The following SLCO5A1 variants were observed in gnomAD, a reference collection of about 807,000 sequenced individuals.
The protein encoded by SLCO5A1 is solute carrier organic anion transporter family member 5A1.
Under a neutral mutation model 65.1 loss-of-function variants are expected in SLCO5A1, and 39 were observed. The ratio of observed to expected loss-of-function variants is 0.60; its 90% CI spans 0.46 to 0.78. The LOEUF is 0.78. SLCO5A1 is among the 30% of genes least tolerant of loss of function. SLCO5A1 has a pLI of 0.00. For missense variants in SLCO5A1, 1,029 were observed against 1,069.4 expected, an observed-to-expected ratio of 0.96 and a Z score of 0.53; for synonymous variants, 438 against 415.7, an observed-to-expected ratio of 1.05 and a Z score of -0.65.
rs1002487811 is a variant in SLCO5A1, at chr8:69,832,586, G to C, written c.88C>G (p.Pro30Ala). ...TAEAVQERCE[P>A]ETLRSKSLPV... ...AAACTCTTAGACCTGAGGGTCTCCG[G>C]CTCGCACCTCTCTTGGACAGCTTCT... Residue 30 changes from proline (P) to alanine (A), a missense_variant, in exon 2 of 10, where the codon CCG becomes GCG. Pro to Ala is a conservative substitution (Grantham distance 27). Around this residue, in one of 3 missense-constraint regions of SLCO5A1, gnomAD observed 647 missense variants for 647.5 expected, o/e 1.00. Transcript: ENST00000260126. This position sits in a 1 kb window ranked among gnomAD's most constrained non-coding sequence, Gnocchi z 4.5. The C allele has an allele frequency of 1.2e-6, 2 of 1,612,756 alleles. No individual in the cohort carries two copies. The highest frequency in any genetic ancestry group is 1.6e-4 in the Middle Eastern group (1 of 6,084).
rs547606264 is a variant in SLCO5A1 at position 69,672,006 on chromosome 8, T to C, written c.*863A>G. The C allele has an allele frequency of 1.8e-4, 27 of 152,350 alleles. No homozygotes were observed. Among genetic ancestry groups the C allele is most frequent in the African/African-American group, 6.0e-4 (25 of 41,572 alleles). The allele number at this position is 152,350 out of a possible 1,614,324, so 9.4% of individuals were successfully genotyped here. A position where few individuals can be genotyped will look rare whatever the true frequency, so the allele number is the denominator to read the frequency against. On this transcript the variant is annotated 3_prime_UTR_variant, in exon 10 of 10. Transcript: ENST00000260126. ...GCTAAAGAAAATTTCTGCAACAATT[T>C]TCTTGGATGAGAAAGCTGTCATTTT...
intron 2 of SLCO5A1, among the ~76,000 whole-genome samples, chr8:69,792,124 T>C (rs1819295629): frequency 6.6e-6 from 1 of 152,152 alleles, no homozygotes; most frequent in African/African-American, 2.4e-5. Flanking sequence ...TACTATAATT[T>C]AGTTGGAGAG....
chr8:69,754,440 A>T (rs1310236390), intron 4 of SLCO5A1, among the ~76,000 whole-genome samples: 1 of 152,204 alleles, frequency 6.6e-6, no homozygotes, highest in African/African-American at 2.4e-5. Flanking sequence ...CAGGCTGGAA[A>T]TGTTCCTCTT....
In SLCO5A1 at chr8:69,676,643, T is replaced by G. The variant is rs10448034; in HGVS notation, c.2055A>C (p.Ala685=). The part of the protein sequence containing the change: ...RSVEDEERPF[A]LGMQFVLLRT... ...GCAACAAAACAAACTGCATTCCCAG[T>G]GCAAAAGGTCTCTCCTCATCTTCTA... The change falls in exon 9 of 10, where the codon GCA becomes GCC. Residue 685 remains alanine, a synonymous_variant. Transcript: ENST00000260126. 1 of 1,611,090 alleles carries G rather than the reference T, an allele frequency of 6.2e-7. No homozygotes were observed. Among genetic ancestry groups the G allele is most frequent in the Admixed American group, 1.7e-5 (1 of 59,590 alleles).
intron 2 of SLCO5A1, among the ~76,000 whole-genome samples, chr8:69,782,517 C>A (rs925289197): frequency 1.4e-5 from 2 of 147,342 alleles, no homozygotes; most frequent in African/African-American, 5.0e-5. Flanking sequence ...GAGGTCAAGG[C>A]TGCAGTGAGT....
intron 5 of SLCO5A1, among the ~76,000 whole-genome samples, chr8:69,733,254 G>C (rs1427100229): frequency 6.6e-6 from 1 of 152,114 alleles, no homozygotes; most frequent in Non-Finnish European, 1.5e-5. Flanking sequence ...TCTTTACTGT[G>C]ATATGATCGG....
intron 9 of SLCO5A1, among the ~76,000 whole-genome samples, chr8:69,673,935 T>C (rs1449720682): frequency 6.6e-6 from 1 of 152,200 alleles, no homozygotes; most frequent in Non-Finnish European, 1.5e-5. Context: ...ATCTTTGAAG[T>C]TTGTGAAACA....
intron 4 of SLCO5A1, among the ~76,000 whole-genome samples, chr8:69,750,605 G>A (rs183259457): frequency 3.9e-5 from 6 of 152,146 alleles, no homozygotes; most frequent in African/African-American, 1.2e-4. Context: ...CCAGTTTTCT[G>A]GCCTTTGCTC....
intron 6 of SLCO5A1, among the ~76,000 whole-genome samples, chr8:69,698,046 T>A (rs1814573901): frequency 6.6e-6 from 1 of 152,202 alleles, no homozygotes; most frequent in South Asian, 2.1e-4. Flanking sequence ...CAGGGTCTGT[T>A]GTTCCCTTCT....
At chr8:69,747,018 C>T (rs1199173016) in intron 4 of SLCO5A1, among the ~76,000 whole-genome samples, 1 of 152,116 alleles carries the variant, frequency 6.6e-6, no homozygotes. Flanking sequence ...TCCTTATAGC[C>T]CACAGCCTGT....
chr8:69,682,285 AACC>A lies in SLCO5A1; in HGVS notation c.1678_1680del (p.Gly560del), dbSNP rs1813818098. On this transcript the variant is annotated inframe_deletion, in exon 7 of 10. Coordinates refer to ENST00000260126, the MANE Select transcript of SLCO5A1 (RefSeq NM_030958.3). Reference sequence around the variant, plus strand: ...ACTGGCTCATACTCGTGTATTTTACAACCACAATTAACGTTGCAGCTTCCTGTC... The same window carrying A: ...ACTGGCTCATACTCGTGTATTTTACAACAATTAACGTTGCAGCTTCCTGTC... 1 of 1,612,186 alleles carries A rather than the reference AACC, an allele frequency of 6.2e-7. No homozygotes were observed. Among genetic ancestry groups the A allele is most frequent in the African/African-American group, 1.3e-5 (1 of 74,950 alleles).
rs1309149370 is a variant in SLCO5A1 at position 69,689,263 on chromosome 8, G to A, written c.1623-6920C>T. 9.8e-5 allele frequency among the ~76,000 whole-genome samples: 11 copies of A among 112,020 alleles called. 2 individuals are homozygous for A. The highest frequency in any genetic ancestry group is 1.8e-4 in the Non-Finnish European group (10 of 55,822). The allele number at this position is 112,020 out of a possible 152,430, so 73.5% of individuals were successfully genotyped here. ...GCCCTTTGTCAGATGAGTAGCTTGC[G>A]AAAATTTTCTCCCATTTTGTAGGTT... On this transcript the variant is annotated intron_variant, in intron 6 of 9. Transcript: ENST00000260126.
At position 69,774,254 on chromosome 8, in the gene SLCO5A1, C is replaced by A. The variant is rs143710559; in HGVS notation, c.908-12379G>T. 2.6e-4 allele frequency among the ~76,000 whole-genome samples: 40 copies of A among 152,312 alleles called. No individual in the cohort carries two copies. The East Asian group carries it at 6.2e-3, about 24-fold the overall frequency. ...ATCCATAGGCTCCTGGTGCTAGGCC[C>A]TCAGGGCTGCCCTGTTGCAGTGAGC... is the stretch of plus-strand genomic sequence containing the variant. On this transcript the variant is annotated intron_variant, in intron 2 of 9. Coordinates refer to ENST00000260126, the MANE Select transcript of SLCO5A1 (RefSeq NM_030958.3).
chr8:69,719,097 C>A (rs923541555), intron 5 of SLCO5A1, among the ~76,000 whole-genome samples: 1 of 152,092 alleles, frequency 6.6e-6, no homozygotes, highest in African/African-American at 2.4e-5. Flanking sequence ...TAATAAAAAT[C>A]AAAACATTTT....
intron 2 of SLCO5A1, among the ~76,000 whole-genome samples, chr8:69,774,532 C>T (rs947056007): frequency 3.9e-5 from 6 of 152,178 alleles, no homozygotes; most frequent in African/African-American, 1.2e-4. Flanking sequence ...GCTCACTGCT[C>T]ATTGCCCATG....
chr8:69,764,983 T>C (rs1450765559), intron 2 of SLCO5A1, among the ~76,000 whole-genome samples: 1 of 152,166 alleles, frequency 6.6e-6, no homozygotes, highest in African/African-American at 2.4e-5. Flanking sequence ...GAAAATTCAT[T>C]AAATAGCATT....
intron 2 of SLCO5A1, among the ~76,000 whole-genome samples, chr8:69,803,932 ACT>A (rs1223842027): frequency 2.6e-5 from 4 of 152,064 alleles, no homozygotes; most frequent in Non-Finnish European, 4.4e-5. Flanking sequence ...ACAGAGCAAG[ACT>A]CTGTCTCTAA....
chr8:69,701,522 A>G (rs1814734301), intron 6 of SLCO5A1, among the ~76,000 whole-genome samples: 3 of 152,226 alleles, frequency 2.0e-5, no homozygotes, highest in African/African-American at 7.2e-5. Flanking sequence ...TCTGCAAGTA[A>G]GAACTTGGGT....
chr8:69,799,176 T>A (rs545739767), intron 2 of SLCO5A1, among the ~76,000 whole-genome samples: 1 of 152,228 alleles, frequency 6.6e-6, no homozygotes, highest in Non-Finnish European at 1.5e-5. Context: ...TTTTGAAAAT[T>A]TATATTTTAC....
Sources: allele counts gnomAD v4.1 joint callset (sites outside exome capture counted in the v4.1 genomes callset), GRCh38; gene constraint gnomAD v4.1.1; regional missense constraint gnomAD v4.1.1; non-coding constraint Gnocchi (gnomAD v3.1); transcripts MANE v1.5; gene names NCBI Gene and HGNC (gene_info 2026-07-23, HGNC 2026-07-21).